Variants in NVL observed in about 807,000 individuals in gnomAD.
NVL encodes nuclear VCP like.
In NVL, 84 loss-of-function variants were observed where a neutral mutation model predicts 110.2. That is an observed-to-expected ratio of 0.76 (90% CI 0.64 to 0.91). The LOEUF (loss-of-function observed/expected upper bound fraction) is 0.91, where lower values mean the gene tolerates loss of function less well. NVL is among the 40% of genes least tolerant of loss of function. NVL has a pLI of 0.00. For synonymous variants in NVL, 354 were observed against 361.1 expected (o/e 0.98, Z 0.22); for missense variants, 882 against 1,035.9 (o/e 0.85, Z 2.04).
intron 18 of NVL, among the ~76,000 whole-genome samples, chr1:224,256,513 A>G (rs1663278046): frequency 6.6e-6 from 1 of 151,952 alleles, no homozygotes; most frequent in Admixed American, 6.6e-5. Context: ...GTAAAGGGGA[A>G]TACTGATGAT....
At chr1:224,243,296 CAA>C (rs543624741) in intron 19 of NVL, among the ~76,000 whole-genome samples, 9 of 112,260 alleles carry the variant, frequency 8.0e-5, no homozygotes, top group Admixed American at 9.3e-5. Flanking sequence ...CCTGTTTCTA[CAA>C]AAAAAAAAAA....
intron 19 of NVL, among the ~76,000 whole-genome samples, chr1:224,240,230 G>C (rs1036143255): frequency 6.7e-4 from 102 of 152,168 alleles, no homozygotes; most frequent in African/African-American, 2.4e-3. Context: ...ACCACGCCTG[G>C]CTAATTTTTT....
At chr1:224,233,786 T>C (rs1348254684) in intron 20 of NVL, among the ~76,000 whole-genome samples, 1 of 151,520 alleles carries the variant, frequency 6.6e-6, no homozygotes, top group Non-Finnish European at 1.5e-5. Flanking sequence ...AAAAAAAAAC[T>C]AAACTCAAGA....
At chr1:224,294,549 A>C in intron 11 of NVL, 138 bp from the exon 12 acceptor site, 1 of 766,500 alleles carries the variant, frequency 1.3e-6, no homozygotes, top group Non-Finnish European at 2.1e-6. Context: ...ACATTTATTA[A>C]ATGTCAAATA....
intron 19 of NVL, among the ~76,000 whole-genome samples, chr1:224,239,549 G>C (rs954821713): frequency 1.3e-5 from 2 of 152,140 alleles, no homozygotes; most frequent in African/African-American, 4.8e-5. Context: ...CACATTAACT[G>C]TACGGATCTT....
In NVL at chr1:224,330,089, G is replaced by T. The variant is rs1338580451; in HGVS notation, c.39C>A (p.Leu13=). ...TACACACCTGGATGACTCGCTGCTT[G>T]AGTTTATTATCCACGAACCCTGCAG... ...PRPAGFVDNK[L]KQRVIQYLTS... The change falls in exon 1 of 23, where the codon CTC becomes CTA. Residue 13 remains leucine (L), a synonymous_variant. Transcript: ENST00000281701. The T allele has an allele frequency of 1.2e-6, 2 of 1,614,038 alleles. No homozygotes were observed. The highest frequency in any genetic ancestry group is 1.7e-6 in the Non-Finnish European group (2 of 1,180,022).
chr1:224,295,307 C>T (rs1448343693), intron 11 of NVL, among the ~76,000 whole-genome samples: 1 of 152,148 alleles, frequency 6.6e-6, no homozygotes, highest in Non-Finnish European at 1.5e-5. Flanking sequence ...ATTCTCCTGC[C>T]TCAGCCTCCC....
chr1:224,306,744 G>A (rs1402325708), intron 6 of NVL, among the ~76,000 whole-genome samples: 2 of 152,046 alleles, frequency 1.3e-5, no homozygotes, highest in Non-Finnish European at 2.9e-5. Flanking sequence ...GAGGTGGGGG[G>A]ATGGCTTATG....
At chr1:224,266,463 T>C (rs1172041322) in intron 18 of NVL, among the ~76,000 whole-genome samples, 1 of 152,216 alleles carries the variant, frequency 6.6e-6, no homozygotes, top group Non-Finnish European at 1.5e-5. Context: ...ATGCATGCTC[T>C]TGTGCTCTTC....
chr1:224,250,626 T>C (rs1476908346), intron 18 of NVL, among the ~76,000 whole-genome samples: 1 of 152,142 alleles, frequency 6.6e-6, no homozygotes, highest in Non-Finnish European at 1.5e-5. Context: ...AGTAAGTTAT[T>C]TGGTGGTGAT....
chr1:224,244,920 T>C (rs561848166), intron 19 of NVL, among the ~76,000 whole-genome samples: 2 of 152,310 alleles, frequency 1.3e-5, no homozygotes, highest in African/African-American at 4.8e-5. Context: ...ACTCCTGACC[T>C]CGTGATCCGC....
chr1:224,279,702 T>C (rs1277754341), intron 16 of NVL, among the ~76,000 whole-genome samples: 1 of 152,222 alleles, frequency 6.6e-6, no homozygotes, highest in Non-Finnish European at 1.5e-5. Context: ...ATCCTAGATG[T>C]CCTATTTTAT....
At chr1:224,272,760 C>T (rs1201933867) in intron 17 of NVL, among the ~76,000 whole-genome samples, 5 of 151,494 alleles carry the variant, frequency 3.3e-5, no homozygotes, top group East Asian at 2.0e-4. Context: ...ACAGGCCGTG[C>T]GCGGTGGCTC....
intron 9 of NVL, among the ~76,000 whole-genome samples, chr1:224,302,281 C>T (rs1212195471): frequency 7.2e-5 from 11 of 152,048 alleles, no homozygotes; most frequent in African/African-American, 2.4e-4. Context: ...TGGCTCACCG[C>T]GACCTCCGCC....
intron 20 of NVL, among the ~76,000 whole-genome samples, chr1:224,235,178 T>C (rs1480318032): frequency 6.6e-6 from 1 of 152,150 alleles, no homozygotes; most frequent in East Asian, 1.9e-4. Flanking sequence ...TATTTATTTT[T>C]ATTTTTTGAG....
chr1:224,320,881 T>C (rs1670578273), intron 2 of NVL, among the ~76,000 whole-genome samples: 1 of 152,164 alleles, frequency 6.6e-6, no homozygotes, highest in Non-Finnish European at 1.5e-5. Context: ...TGGGTCAGTT[T>C]TTCTTAAATG....
intron 14 of NVL, among the ~76,000 whole-genome samples, chr1:224,287,449 A>G (rs531323851): frequency 5.9e-5 from 9 of 152,374 alleles, no homozygotes; most frequent in South Asian, 2.1e-4. Context: ...CCCAACACAA[A>G]GAAAACATAA....
At chr1:224,291,367 T>A (rs1438497806) in intron 12 of NVL, among the ~76,000 whole-genome samples, 1 of 152,240 alleles carries the variant, frequency 6.6e-6, no homozygotes, top group Non-Finnish European at 1.5e-5. Flanking sequence ...CAATGAATGT[T>A]AATTCTTATT....
At chr1:224,309,265 T>C (rs950108529) in intron 5 of NVL, among the ~76,000 whole-genome samples, 22 of 152,252 alleles carry the variant, frequency 1.4e-4, no homozygotes, top group African/African-American at 4.8e-4. Context: ...CGCCCTGTAA[T>C]CCTAATGCTT....
Sources: gnomAD v4.1 joint callset for allele counts (sites outside exome capture counted in the v4.1 genomes callset) on GRCh38, gnomAD v4.1.1 for gene constraint, MANE v1.5 for transcripts, NCBI Gene and HGNC (gene_info 2026-07-23, HGNC 2026-07-21) for gene names.